Variants in LARGE1 observed in about 807,000 individuals in gnomAD.
The protein encoded by LARGE1 is xylosyl- and glucuronyltransferase LARGE1.
In LARGE1, 43 loss-of-function variants were observed where a neutral mutation model predicts 87.6. That is an observed-to-expected ratio of 0.49 (90% CI 0.38 to 0.63). LARGE1 has a LOEUF of 0.63. LARGE1 is among the 30% of genes least tolerant of loss of function. The probability of loss-of-function intolerance (pLI) is 0.00; values close to 1 mark genes in which losing one functional copy is unlikely to be tolerated. For synonymous variants in LARGE1, 434 were observed against 394.6 expected, an observed-to-expected ratio of 1.10 and a Z score of -1.18; for missense variants, 802 against 1,000.2, an observed-to-expected ratio of 0.80 and a Z score of 2.67.
At chr22:33,362,377 T>C (rs2064418406) in intron 9 of LARGE1, among the ~76,000 whole-genome samples, 1 of 149,808 alleles carries the variant, frequency 6.7e-6, no homozygotes, top group Non-Finnish European at 1.5e-5. Context: ...GTCCTTCAGT[T>C]GGTAAGAAGC....
At chr22:33,871,574 C>A (rs2064282821) in intron 1 of LARGE1, among the ~76,000 whole-genome samples, 3 of 152,290 alleles carry the variant, frequency 2.0e-5, no homozygotes. Flanking sequence ...TTTAGAGCAT[C>A]TGGAACCAGA....
At chr22:33,836,187 A>G (rs2063103600) in intron 1 of LARGE1, among the ~76,000 whole-genome samples, 1 of 151,710 alleles carries the variant, frequency 6.6e-6, no homozygotes, top group Non-Finnish European at 1.5e-5. Context: ...GTGGAGGCAG[A>G]TGGTTCCAAA....
In LARGE1 at chr22:33,274,074, A is replaced by T. The variant is rs751385934; in HGVS notation, c.*353T>A. On this transcript the variant is annotated 3_prime_UTR_variant, in exon 15 of 15. Transcript: ENST00000397394. ...TTTCTCCCCAGTTATGATGGGAAGC[A>T]TAATTATTAAAAAGCATCCAGAACA... 1 of 430,504 alleles carries T rather than the reference A, an allele frequency of 2.3e-6. No individual in the cohort carries two copies. Among genetic ancestry groups the T allele is most frequent in the African/African-American group, 2.0e-5 (1 of 50,426 alleles). 26.7% of individuals were successfully genotyped at this position (430,504 alleles called of 1,614,324 possible). A position where few individuals can be genotyped will look rare whatever the true frequency, so the allele number is the denominator to read the frequency against.
chr22:33,472,318 CAAAG>C (rs1229181759), intron 6 of LARGE1, among the ~76,000 whole-genome samples: 3 of 151,854 alleles, frequency 2.0e-5, no homozygotes, highest in Admixed American at 6.6e-5. Flanking sequence ...ATGAAGGAGA[CAAAG>C]AGAGAGACAG....
chr22:33,185,442 G>A (rs1468616095), intron 11 of LARGE1, among the ~76,000 whole-genome samples: 1 of 152,124 alleles, frequency 6.6e-6, no homozygotes. Context: ...GATTTTTAGG[G>A]CAGTTAAACT....
At chr22:33,917,992 G>A (rs2065836613) in intron 1 of LARGE1, among the ~76,000 whole-genome samples, 1 of 152,086 alleles carries the variant, frequency 6.6e-6, no homozygotes, top group Non-Finnish European at 1.5e-5. Flanking sequence ...CTAGTGTCCT[G>A]CTACTGTAGG....
intron 1 of LARGE1, among the ~76,000 whole-genome samples, chr22:33,839,046 A>G (rs1336702573): frequency 2.6e-5 from 4 of 152,198 alleles, no homozygotes; most frequent in Admixed American, 6.5e-5. Context: ...ATAATTTAGG[A>G]TATTAGTTCA....
chr22:33,670,537 CA>C (rs2081379648), intron 2 of LARGE1, among the ~76,000 whole-genome samples: 1 of 152,038 alleles, frequency 6.6e-6, no homozygotes, highest in South Asian at 2.1e-4. Context: ...GGGGGCACCG[CA>C]GGATACTTTA....
At chr22:33,552,524 T>C (rs531402145) in intron 6 of LARGE1, among the ~76,000 whole-genome samples, 3 of 151,618 alleles carry the variant, frequency 2.0e-5, no homozygotes, top group South Asian at 2.1e-4. Context: ...ACAATAAAAG[T>C]TGATCAAGGA....
intron 11 of LARGE1, among the ~76,000 whole-genome samples, chr22:33,221,246 T>A (rs369984163): frequency 6.6e-6 from 1 of 152,264 alleles, no homozygotes; most frequent in African/African-American, 2.4e-5. Context: ...TGATTACAAA[T>A]TTAGTGCTGT....
At chr22:33,075,229 G>A in the LARGE1 span, among the ~76,000 whole-genome samples, 2 of 152,184 alleles carry the variant, frequency 1.3e-5, no homozygotes, top group Admixed American at 6.5e-5. Flanking sequence ...GGGAGATATG[G>A]TAGCTATTAT....
At chr22:33,675,466 T>G (rs543818412) in intron 2 of LARGE1, among the ~76,000 whole-genome samples, 3 of 151,904 alleles carry the variant, frequency 2.0e-5, no homozygotes, top group Non-Finnish European at 4.4e-5. Flanking sequence ...GAGCAGCACA[T>G]ATCTCTGATT....
chr22:33,822,419 C>T (rs1224169279), intron 1 of LARGE1, among the ~76,000 whole-genome samples: 1 of 152,194 alleles, frequency 6.6e-6, no homozygotes, highest in African/African-American at 2.4e-5. Flanking sequence ...CTTAGAAATG[C>T]AAAGTGCAGT....
In LARGE1 at chr22:33,338,384, C is replaced by T. The variant is rs186681773; in HGVS notation, c.1132-583G>A. ...ACGCTTCGCTGTCCCTACTTCTCGG[C>T]CCAGTGATGCTGCCTCTGGAATCGG... is the stretch of plus-strand genomic sequence containing the variant. On this transcript the variant is annotated intron_variant, in intron 9 of 14. Transcript: ENST00000397394. Among the ~76,000 whole-genome samples, 1,098 of 152,206 alleles carry T rather than the reference C, an allele frequency of 7.2e-3. 9 individuals carry two copies. Among genetic ancestry groups the T allele is most frequent in the African/African-American group, 0.024 (990 of 41,526 alleles).
chr22:33,521,766 G>C (rs1327414978), intron 6 of LARGE1, among the ~76,000 whole-genome samples: 1 of 152,202 alleles, frequency 6.6e-6, no homozygotes, highest in Non-Finnish European at 1.5e-5. Context: ...GGGAAGCTGA[G>C]AGGTGTAGCT....
chr22:33,432,577 A>T (rs549307622), intron 6 of LARGE1, among the ~76,000 whole-genome samples: 2 of 139,034 alleles, frequency 1.4e-5, no homozygotes, highest in South Asian at 2.2e-4. Context: ...TCATTCATTC[A>T]TTCATTCATT....
At chr22:33,639,533 C>T (rs997463499) in intron 3 of LARGE1, among the ~76,000 whole-genome samples, 1 of 152,212 alleles carries the variant, frequency 6.6e-6, no homozygotes, top group African/African-American at 2.4e-5. Context: ...TTCATCCTCA[C>T]AATTGCACTG....
intron 11 of LARGE1, among the ~76,000 whole-genome samples, chr22:33,174,908 G>A (rs1392169932): frequency 6.6e-6 from 1 of 152,194 alleles, no homozygotes; most frequent in Non-Finnish European, 1.5e-5. Context: ...GAGGTACAAA[G>A]AGGAGCTGGT....
chr22:33,451,233 T>C (rs1487709533), intron 6 of LARGE1, among the ~76,000 whole-genome samples: 1 of 152,114 alleles, frequency 6.6e-6, no homozygotes, highest in East Asian at 1.9e-4. Flanking sequence ...AAACTTCATC[T>C]GGCAAAGTTT....
Sources: allele counts gnomAD v4.1 joint callset (sites outside exome capture counted in the v4.1 genomes callset), GRCh38; gene constraint gnomAD v4.1.1; transcripts MANE v1.5; gene names NCBI Gene and HGNC (gene_info 2026-07-23, HGNC 2026-07-21).